The following ONECUT1 variants were observed in gnomAD, a reference collection of about 807,000 sequenced individuals.
ONECUT1 encodes hepatocyte nuclear factor 6.
Under a neutral mutation model 25.6 loss-of-function variants are expected in ONECUT1, and 12 were observed. The observed-to-expected ratio is 0.47, with a 90% CI of 0.30 to 0.76. ONECUT1 has a LOEUF of 0.76. ONECUT1 is among the 30% of genes least tolerant of loss of function. ONECUT1 has a pLI of 0.07. For synonymous variants in ONECUT1, 285 were observed against 270.2 expected, an observed-to-expected ratio of 1.05 and a Z score of -0.54; for missense variants, 620 against 651.2, an observed-to-expected ratio of 0.95 and a Z score of 0.52.
rs754699857 is a variant in ONECUT1, at chr15:52,789,476, G to A, written c.409C>T (p.His137Tyr). 1 of 1,613,176 alleles carries A rather than the reference G, an allele frequency of 6.2e-7. No individual in the cohort carries two copies. Among genetic ancestry groups the A allele is most frequent in the Non-Finnish European group, 8.5e-7 (1 of 1,179,668 alleles). ...HHHHHHHHPH[H>Y]HQRLAGNVSG... The stretch of plus-strand genomic sequence containing the variant: ...ACGTTGCCCGCCAGGCGCTGGTGGT[G>A]GTGCGGGTGGTGGTGGTGATGGTGG... Residue 137 changes from histidine (H) to tyrosine (Y), a missense_variant, in exon 1 of 2, where the codon CAC becomes TAC. Coordinates refer to ENST00000305901, the MANE Select transcript of ONECUT1 (RefSeq NM_004498.4). This position sits in a 1 kb window ranked among gnomAD's most constrained non-coding sequence, Gnocchi z 4.1.
At chr15:52,781,114 AG>A (rs2083838407) in intron 1 of ONECUT1, 1 of 159,744 alleles carries the variant, frequency 6.3e-6, no homozygotes, top group Admixed American at 6.4e-5. Flanking sequence ...GTCCAAGTGC[AG>A]ATCAGAATGC....
chr15:52,767,726 G>C (rs1246819502), intron 1 of ONECUT1, among the ~76,000 whole-genome samples: 1 of 152,182 alleles, frequency 6.6e-6, no homozygotes, highest in Non-Finnish European at 1.5e-5. Flanking sequence ...TATATGAAGA[G>C]ATATCTGCAC....
rs1252041382 is a variant in ONECUT1, at chr15:52,756,102, T to C, written c.*1453A>G. Among the ~76,000 whole-genome samples, 1 of 152,276 alleles carries C rather than the reference T, an allele frequency of 6.6e-6. No individual in the cohort carries two copies. Among genetic ancestry groups the C allele is most frequent in the South Asian group, 2.1e-4 (1 of 4,824 alleles). ...CCATAAATTGATTAATACCAATAGA[T>C]CAAAAGTCTTGTCGTCCACCAGAAC... is the stretch of plus-strand genomic sequence containing the variant. On this transcript the variant is annotated 3_prime_UTR_variant, in exon 2 of 2. Transcript: ENST00000305901.
rs2083859953 is a variant in ONECUT1 at position 52,784,294 on chromosome 15, T to C, written c.1105+4486A>G. 6.6e-6 allele frequency among the ~76,000 whole-genome samples: 1 copy of C among 152,210 alleles called. No individual in the cohort carries two copies. The highest frequency in any genetic ancestry group is 2.4e-5 in the African/African-American group (1 of 41,460). ...CGGTGGTAAGCGGCGATGTCGGGGCTGGGTCTCTAGCAACCGCTGTGCCCT... is the reference window on the plus strand; with the variant it reads ...CGGTGGTAAGCGGCGATGTCGGGGCCGGGTCTCTAGCAACCGCTGTGCCCT... On this transcript the variant is annotated intron_variant, in intron 1 of 1. Coordinates refer to ENST00000305901, the MANE Select transcript of ONECUT1 (RefSeq NM_004498.4). This position sits in a 1 kb window ranked among gnomAD's most constrained non-coding sequence, Gnocchi z 5.0.
At chr15:52,787,174 C>A (rs1190671146) in intron 1 of ONECUT1, 2 of 152,250 alleles carry the variant, frequency 1.3e-5, no homozygotes, top group Non-Finnish European at 2.9e-5. Flanking sequence ...GGGCGCCCAG[C>A]GAGCCTCTTC....
intron 1 of ONECUT1, among the ~76,000 whole-genome samples, chr15:52,768,302 C>T (rs1267737900): frequency 1.3e-5 from 2 of 152,022 alleles, no homozygotes; most frequent in Non-Finnish European, 2.9e-5. Flanking sequence ...ATCACATGTA[C>T]CCCACAAATA....
In ONECUT1 at chr15:52,789,858, C is replaced by T. The variant is rs756630807; in HGVS notation, c.27G>A (p.Ala9=). The part of the protein sequence containing the change: MNAQLTME[A]IGELHGVSHE... ...GGCTCACCCCGTGCAGCTCGCCGAT[C>T]GCTTCCATGGTCAGCTGCGCGTTCA... The change falls in exon 1 of 2, where the codon GCG becomes GCA. Residue 9 remains alanine, a synonymous_variant. Coordinates refer to ENST00000305901, the MANE Select transcript of ONECUT1 (RefSeq NM_004498.4). The surrounding 1 kb of genome is among the most constrained non-coding windows in gnomAD (Gnocchi z 4.1). 1.3e-5 allele frequency: 20 copies of T among 1,543,668 alleles called. No homozygotes were observed. Among genetic ancestry groups the T allele is most frequent in the Non-Finnish European group, 1.6e-5 (18 of 1,155,754 alleles).
At chr15:52,786,861 C>A (rs1304976649) in intron 1 of ONECUT1, 1 of 152,290 alleles carries the variant, frequency 6.6e-6, no homozygotes, top group Non-Finnish European at 1.5e-5. Flanking sequence ...GGATGGGGAC[C>A]GAGTTTTCCC....
rs1026050262 is a variant in ONECUT1 at position 52,787,381 on chromosome 15, C to A, written c.1105+1399G>T. On this transcript the variant is annotated intron_variant, in intron 1 of 1. Transcript: ENST00000305901. ...TTCGGGGCACGAATCGCAGGCTGGT[C>A]GGCACCTGCCACCCCCAGCTTCTCA... Among the ~76,000 whole-genome samples, 4 of 151,952 alleles carry A rather than the reference C, an allele frequency of 2.6e-5. No homozygotes were observed. The South Asian group carries it at 6.2e-4, about 24-fold the overall frequency.
chr15:52,788,803 C>T lies in ONECUT1; in HGVS notation c.1082G>A (p.Arg361His). 1 of 1,612,064 alleles carries T rather than the reference C, an allele frequency of 6.2e-7. No individual in the cohort carries two copies. Among genetic ancestry groups the T allele is most frequent in the Non-Finnish European group, 8.5e-7 (1 of 1,178,706 alleles). The change falls in exon 1 of 2, where the codon CGC becomes CAC. Residue 361 changes from arginine to histidine, a missense_variant. By Grantham distance (29) the Arg-to-His change is conservative. Around this residue, in one of 4 missense-constraint regions of ONECUT1, gnomAD observed 146 missense variants for 201.8 expected, o/e 0.72. Coordinates refer to ENST00000305901, the MANE Select transcript of ONECUT1 (RefSeq NM_004498.4). The surrounding 1 kb of genome is among the most constrained non-coding windows in gnomAD (Gnocchi z 4.3). ...ACCTGCTAAGCGGAGCGCGGACATGCGCTGGAACTCCGGCTCCTGCAGCCA... is the reference window on the plus strand; with the variant it reads ...ACCTGCTAAGCGGAGCGCGGACATGTGCTGGAACTCCGGCTCCTGCAGCCA... Reference protein sequence around the residue: ...WKWLQEPEFQRMSALRLAACK... With the variant: ...WKWLQEPEFQHMSALRLAACK...
chr15:52,779,481 C>T (rs1459707643), intron 1 of ONECUT1, among the ~76,000 whole-genome samples: 1 of 152,020 alleles, frequency 6.6e-6, no homozygotes, highest in African/African-American at 2.4e-5. Flanking sequence ...TGATATTATT[C>T]GATGGGATAA....
chr15:52,783,516 G>C (rs1395762833), intron 1 of ONECUT1, among the ~76,000 whole-genome samples: 2 of 152,234 alleles, frequency 1.3e-5, no homozygotes, highest in East Asian at 3.8e-4. Flanking sequence ...CCAGGGTCCT[G>C]ACTCCGCGCC....
At chr15:52,775,526 T>C (rs983269736) in intron 1 of ONECUT1, among the ~76,000 whole-genome samples, 2 of 151,380 alleles carry the variant, frequency 1.3e-5, no homozygotes, top group Non-Finnish European at 2.9e-5. Flanking sequence ...CTTAAGAATA[T>C]ACAAGAAACT....
chr15:52,779,083 TTTAA>T (rs1213531252), intron 1 of ONECUT1, among the ~76,000 whole-genome samples: 1 of 152,042 alleles, frequency 6.6e-6, no homozygotes, highest in African/African-American at 2.4e-5. Context: ...GACTAGTTTA[TTTAA>T]TTAATTAATT....
At position 52,784,641 on chromosome 15, in the gene ONECUT1, A is replaced by G. The variant is rs184987383; in HGVS notation, c.1105+4139T>C. On this transcript the variant is annotated intron_variant, in intron 1 of 1. Coordinates refer to ENST00000305901, the MANE Select transcript of ONECUT1 (RefSeq NM_004498.4). This position sits in a 1 kb window ranked among gnomAD's most constrained non-coding sequence, Gnocchi z 5.0. ...CAGAGAGAACTACACAGGGGGAACT[A>G]TGGTCCTACACCCTCGAGGGGACAG... is the stretch of plus-strand genomic sequence containing the variant. 6.6e-6 allele frequency among the ~76,000 whole-genome samples: 1 copy of G among 152,308 alleles called. No individual in the cohort carries two copies. Among genetic ancestry groups the G allele is most frequent in the East Asian group, 1.9e-4 (1 of 5,182 alleles).
chr15:52,780,188 T>C (rs2083831594), intron 1 of ONECUT1, among the ~76,000 whole-genome samples: 1 of 152,214 alleles, frequency 6.6e-6, no homozygotes, highest in South Asian at 2.1e-4. Flanking sequence ...CCTTTTTTAA[T>C]GTCAGGATGA....
At chr15:52,782,967 C>G (rs1288207874) in intron 1 of ONECUT1, among the ~76,000 whole-genome samples, 1 of 152,170 alleles carries the variant, frequency 6.6e-6, no homozygotes, top group East Asian at 1.9e-4. Flanking sequence ...TTCTGTCTTA[C>G]AAGAAAATCA....
At position 52,790,035 on chromosome 15, in the gene ONECUT1, CTCCGTGTGTGTGTG is replaced by C. The variant is rs1462351458; in HGVS notation, c.-165_-152del. On this transcript the variant is annotated 5_prime_UTR_variant, in exon 1 of 2. Coordinates refer to ENST00000305901, the MANE Select transcript of ONECUT1 (RefSeq NM_004498.4). ...GGGCTCTGTCTCTCTCTCTCTCTCTCTCCGTGTGTGTGTGTCCGTGTGTGCGTGTGCGTGTGTGT... is the reference window on the plus strand; with the variant it reads ...GGGCTCTGTCTCTCTCTCTCTCTCTCTCCGTGTGTGCGTGTGCGTGTGTGT... 4.1e-6 allele frequency: 5 copies of C among 1,225,724 alleles called. No homozygotes were observed. Among genetic ancestry groups the C allele is most frequent in the Non-Finnish European group, 5.3e-6 (5 of 950,966 alleles). The allele number at this position is 1,225,724 out of a possible 1,614,324, so 75.9% of individuals were successfully genotyped here. A position where few individuals can be genotyped will look rare whatever the true frequency, so the allele number is the denominator to read the frequency against.
chr15:52,764,204 A>G (rs2083721482), intron 1 of ONECUT1, among the ~76,000 whole-genome samples: 1 of 152,220 alleles, frequency 6.6e-6, no homozygotes, highest in Non-Finnish European at 1.5e-5. Flanking sequence ...GGGAGGCATT[A>G]ATAAAGCCAA....
Sources: allele counts gnomAD v4.1 joint callset (sites outside exome capture counted in the v4.1 genomes callset), GRCh38; gene constraint gnomAD v4.1.1; regional missense constraint gnomAD v4.1.1; non-coding constraint Gnocchi (gnomAD v3.1); transcripts MANE v1.5; gene names NCBI Gene and HGNC (gene_info 2026-07-23, HGNC 2026-07-21).